The following SEMA3E variants were observed in gnomAD, a reference collection of about 807,000 sequenced individuals.
SEMA3E encodes the protein semaphorin 3E, also known as semaphorin-3E.
SEMA3E carries 49 observed loss-of-function variants against 93.6 expected under a neutral mutation model. The observed-to-expected ratio is 0.52, with a 90% CI of 0.42 to 0.66. The LOEUF (loss-of-function observed/expected upper bound fraction) is 0.66, where lower values mean the gene tolerates loss of function less well. Among genes scored for constraint, SEMA3E ranks in the 30% least tolerant of loss-of-function variants. The pLI, the probability that SEMA3E is intolerant of heterozygous loss-of-function variation, is 0.00. For synonymous variants in SEMA3E, 363 were observed against 330.7 expected (o/e 1.10, Z -1.06); for missense variants, 906 against 964.8 (o/e 0.94, Z 0.81).
In SEMA3E at chr7:83,466,277, G is replaced by A. The variant is rs61553709; in HGVS notation, c.456+205C>T. Among the ~76,000 whole-genome samples the A allele has an allele frequency of 0.017, 2,591 of 152,224 alleles. 82 individuals are homozygous for A. The highest frequency in any genetic ancestry group is 0.058 in the African/African-American group (2,423 of 41,526). On this transcript the variant is annotated intron_variant, in intron 4 of 16. Transcript: ENST00000643230. The stretch of plus-strand genomic sequence containing the variant: ...AATAAAATTATTAAGTGAATTGAGT[G>A]CATAGCAAATTAATTGGTTCACAGA...
chr7:83,377,113 A>C (rs1343907712), intron 16 of SEMA3E, among the ~76,000 whole-genome samples: 1 of 152,050 alleles, frequency 6.6e-6, no homozygotes, highest in Non-Finnish European at 1.5e-5. Context: ...TCTTTGGGAT[A>C]TACTTAGATT....
At chr7:83,550,148 G>T (rs773766452) in intron 1 of SEMA3E, among the ~76,000 whole-genome samples, 41 of 152,182 alleles carry the variant, frequency 2.7e-4, no homozygotes, top group African/African-American at 9.6e-4. Flanking sequence ...AATCTGCTTC[G>T]ATATTAAACA....
chr7:83,428,944 C>T (rs1788828449), intron 4 of SEMA3E, among the ~76,000 whole-genome samples: 1 of 152,110 alleles, frequency 6.6e-6, no homozygotes. Context: ...TCAGTGTCTT[C>T]TAACTAACAA....
rs71522664 is a variant in SEMA3E, at chr7:83,503,010, C to CTTTTTT, written c.116-12737_116-12736insAAAAAA. Among the ~76,000 whole-genome samples the CTTTTTT allele has an allele frequency of 5.0e-5, 7 of 138,868 alleles. 1 individual carries two copies. Among genetic ancestry groups the CTTTTTT allele is most frequent in the Non-Finnish European group, 3.1e-5 (2 of 65,280 alleles). 91.1% of individuals were successfully genotyped at this position (138,868 alleles called of 152,430 possible). A position where few individuals can be genotyped will look rare whatever the true frequency, so the allele number is the denominator to read the frequency against. On this transcript the variant is annotated intron_variant, in intron 1 of 16. Coordinates refer to ENST00000643230, the MANE Select transcript of SEMA3E (RefSeq NM_012431.3). ...CAAATATATATGAGTTTCTTTCTCTCTCTTTTTTTTTTTTTTGATGTCAAT... is the reference window on the plus strand; with the variant it reads ...CAAATATATATGAGTTTCTTTCTCTCTTTTTTTCTTTTTTTTTTTTTTGATGTCAAT...
chr7:83,603,223 C>G (rs1376748303), intron 1 of SEMA3E, among the ~76,000 whole-genome samples: 2 of 152,036 alleles, frequency 1.3e-5, no homozygotes, highest in Non-Finnish European at 1.5e-5. Context: ...ATCAATAGCT[C>G]TCACCCAAAT....
chr7:83,497,325 G>A (rs1790507942), intron 1 of SEMA3E, among the ~76,000 whole-genome samples: 1 of 152,136 alleles, frequency 6.6e-6, no homozygotes, highest in South Asian at 2.1e-4. Context: ...TTTCAGGGGA[G>A]AGGTGTTTCT....
At chr7:83,444,148 G>A (rs1287599775) in intron 4 of SEMA3E, among the ~76,000 whole-genome samples, 2 of 152,154 alleles carry the variant, frequency 1.3e-5, no homozygotes, top group African/African-American at 2.4e-5. Context: ...GAGATAATGT[G>A]TGATCTCAGT....
At chr7:83,464,355 C>T (rs1312398003) in intron 4 of SEMA3E, among the ~76,000 whole-genome samples, 1 of 150,990 alleles carries the variant, frequency 6.6e-6, no homozygotes, top group African/African-American at 2.4e-5. Context: ...ATTCCAGACA[C>T]CAGACCAACT....
intron 1 of SEMA3E, among the ~76,000 whole-genome samples, chr7:83,622,637 A>G (rs1793587165): frequency 6.6e-6 from 1 of 152,144 alleles, no homozygotes; most frequent in African/African-American, 2.4e-5. Context: ...ACACCATGGA[A>G]TACTATGCAG....
In SEMA3E at chr7:83,648,475, C is replaced by T; in HGVS notation, c.68G>A (p.Gly23Asp). Residue 23 changes from glycine to aspartate, a missense_variant, in exon 1 of 17, where the codon GGT becomes GAT. Coordinates refer to ENST00000643230, the MANE Select transcript of SEMA3E (RefSeq NM_012431.3). Reference sequence around the variant, plus strand: ...GGGGTGGGTAGTATCAGCTGTATGACCTCCTGTCCAAAGCTCCAGTAAGTA... The same window carrying T: ...GGGGTGGGTAGTATCAGCTGTATGATCTCCTGTCCAAAGCTCCAGTAAGTA... ...WGYLLELWTG[G>D]HTADTTHPRL... The T allele has an allele frequency of 2.5e-6, 4 of 1,612,078 alleles. No individual in the cohort carries two copies. The highest frequency in any genetic ancestry group is 3.4e-6 in the Non-Finnish European group (4 of 1,179,712).
Position 83,550,908 on chromosome 7 carries a change from C to T in SEMA3E, c.116-60634G>A, listed in dbSNP as rs78052937. 8.1e-3 allele frequency among the ~76,000 whole-genome samples: 1,231 copies of T among 152,160 alleles called. 10 individuals carry two copies. Among genetic ancestry groups the T allele is most frequent in the African/African-American group, 0.028 (1,179 of 41,528 alleles). On this transcript the variant is annotated intron_variant, in intron 1 of 16. Transcript: ENST00000643230. Reference sequence around the variant, plus strand: ...TTAGACTTTCACAAAAGAGGACATACATTTCAATACACATATAAAAAGTTT... The same window carrying T: ...TTAGACTTTCACAAAAGAGGACATATATTTCAATACACATATAAAAAGTTT...
intron 1 of SEMA3E, among the ~76,000 whole-genome samples, chr7:83,596,796 A>G (rs1338044205): frequency 1.3e-5 from 2 of 152,082 alleles, no homozygotes; most frequent in African/African-American, 2.4e-5. Context: ...AGACCTTCCT[A>G]TATTTATCTG....
chr7:83,426,659 G>A (rs910167108), intron 4 of SEMA3E, among the ~76,000 whole-genome samples: 2 of 152,034 alleles, frequency 1.3e-5, no homozygotes, highest in African/African-American at 2.4e-5. Flanking sequence ...ATGTACTCCC[G>A]ACTCTAAAAC....
At chr7:83,485,345 G>C (rs1047776240) in intron 2 of SEMA3E, among the ~76,000 whole-genome samples, 2 of 152,066 alleles carry the variant, frequency 1.3e-5, no homozygotes, top group African/African-American at 4.8e-5. Context: ...TCTTCAAAGA[G>C]GAATAATATT....
chr7:83,579,029 C>A (rs1311182655), intron 1 of SEMA3E, among the ~76,000 whole-genome samples: 1 of 151,912 alleles, frequency 6.6e-6, no homozygotes, highest in East Asian at 1.9e-4. Flanking sequence ...ATAAGAAGAG[C>A]AAAGTGTGGC....
At chr7:83,515,647 C>T (rs1372289467) in intron 1 of SEMA3E, among the ~76,000 whole-genome samples, 18 of 152,130 alleles carry the variant, frequency 1.2e-4, no homozygotes, top group Admixed American at 1.2e-3. Context: ...AGATAGACTG[C>T]TCACCTCAGC....
chr7:83,464,405 G>T (rs1011553345), intron 4 of SEMA3E, among the ~76,000 whole-genome samples: 6 of 144,684 alleles, frequency 4.1e-5, no homozygotes, highest in Non-Finnish European at 7.6e-5. Flanking sequence ...CTACTATCTT[G>T]TCAAGTCATA....
intron 1 of SEMA3E, among the ~76,000 whole-genome samples, chr7:83,544,051 C>A (rs1791592574): frequency 6.6e-6 from 1 of 151,952 alleles, no homozygotes; most frequent in African/African-American, 2.4e-5. Flanking sequence ...AGAATAAAGA[C>A]ATTAACAAAA....
At chr7:83,456,397 A>G (rs1789477196) in intron 4 of SEMA3E, among the ~76,000 whole-genome samples, 2 of 152,106 alleles carry the variant, frequency 1.3e-5, no homozygotes, top group Admixed American at 1.3e-4. Context: ...AGCAGCAGGG[A>G]CACTCATTTT....
Sources: allele counts gnomAD v4.1 joint callset (sites outside exome capture counted in the v4.1 genomes callset), GRCh38; gene constraint gnomAD v4.1.1; transcripts MANE v1.5; gene names NCBI Gene and HGNC (gene_info 2026-07-23, HGNC 2026-07-21).